The following FYB1 variants were observed in gnomAD, a reference collection of about 807,000 sequenced individuals.
The protein encoded by FYB1 is FYN-binding protein 1.
Under a neutral mutation model 94.1 loss-of-function variants are expected in FYB1, and 41 were observed. The observed-to-expected ratio is 0.44, with a 90% confidence interval of 0.34 to 0.57. The LOEUF (loss-of-function observed/expected upper bound fraction) is 0.57, where lower values mean the gene tolerates loss of function less well. FYB1 is among the 20% of genes least tolerant of loss of function. FYB1 has a pLI of 0.02. For synonymous variants in FYB1, 367 were observed against 353.2 expected (o/e 1.04, Z -0.44); for missense variants, 1,050 against 976.8 (o/e 1.07, Z -1.00).
chr5:39,218,550 AATT>A (rs1419909118), intron 1 of FYB1, among the ~76,000 whole-genome samples: 4 of 152,168 alleles, frequency 2.6e-5, no homozygotes, highest in African/African-American at 4.8e-5. Flanking sequence ...GGTGAATATT[AATT>A]ATTATTTTAC....
At chr5:39,185,517 A>G (rs1431797679) in intron 2 of FYB1, among the ~76,000 whole-genome samples, 1 of 114,694 alleles carries the variant, frequency 8.7e-6, no homozygotes, top group Admixed American at 7.9e-5. Flanking sequence ...ATAACTGACT[A>G]AAAAAAAAAT....
chr5:39,141,745 G>A (rs367869695), intron 3 of FYB1, among the ~76,000 whole-genome samples: 6 of 152,168 alleles, frequency 3.9e-5, no homozygotes, highest in Non-Finnish European at 5.9e-5. Context: ...GGTAGTGCAC[G>A]TCTGTAACCC....
rs771382298 is a variant in FYB1, at chr5:39,118,938, T to A, written c.2337A>T (p.Glu779Asp). The change falls in exon 16 of 19, where the codon GAA (glutamate) becomes GAT (aspartate). Residue 779 changes from glutamate to aspartate, a missense_variant. Coordinates refer to ENST00000512982, the MANE Select transcript of FYB1 (RefSeq NM_001465.6). ...GTRDLQVKPG[E>D]SLEVIQTTDD... is the part of the protein sequence containing the mutation. ...CTGTGGTTTGTATAACTTCTAGAGATTCACCAGGTTTTACCTGTAGATCTC... is the reference window on the plus strand; with the variant it reads ...CTGTGGTTTGTATAACTTCTAGAGAATCACCAGGTTTTACCTGTAGATCTC... 6.4e-7 allele frequency: 1 copy of A among 1,574,208 alleles called. No individual in the cohort carries two copies. The highest frequency in any genetic ancestry group is 8.6e-7 in the Non-Finnish European group (1 of 1,156,308).
intron 3 of FYB1, among the ~76,000 whole-genome samples, chr5:39,145,062 A>ACC (rs1742524288): frequency 6.6e-6 from 1 of 152,222 alleles, no homozygotes; most frequent in Non-Finnish European, 1.5e-5. Flanking sequence ...GTGAGGGTAT[A>ACC]GATAAGACAA....
chr5:39,229,800 A>G (rs1171139881), intron 1 of FYB1, among the ~76,000 whole-genome samples: 3 of 152,194 alleles, frequency 2.0e-5, no homozygotes, highest in Non-Finnish European at 4.4e-5. Flanking sequence ...CAGTCTGTAT[A>G]ATAGTCCAGA....
chr5:39,127,743 A>T lies in FYB1; in HGVS notation c.1905T>A (p.Asp635Glu). 5 of 1,601,158 alleles carry T rather than the reference A, an allele frequency of 3.1e-6. No individual in the cohort carries two copies. The highest frequency in any genetic ancestry group is 4.3e-6 in the Non-Finnish European group (5 of 1,174,084). The change falls in exon 11 of 19, where the codon GAT becomes GAA. Residue 635 changes from aspartate (D) to glutamate (E), a missense_variant and splice_region_variant. Asp to Glu is a conservative substitution (Grantham distance 45, BLOSUM62 2). Coordinates refer to ENST00000512982, the MANE Select transcript of FYB1 (RefSeq NM_001465.6). Reference protein sequence around the residue: ...YDGIEEEDADDGSTLQVQEKS... With the variant: ...YDGIEEEDADEGSTLQVQEKS... The stretch of plus-strand genomic sequence containing the variant: ...AGCAGTTCACTGATTATTCTTACCC[A>T]TCATCAGCATCTTCCTCTTCAATCC...
At chr5:39,195,025 C>T (rs528694483) in intron 2 of FYB1, among the ~76,000 whole-genome samples, 27 of 152,180 alleles carry the variant, frequency 1.8e-4, no homozygotes, top group South Asian at 4.2e-4. Context: ...GGCTGTTACC[C>T]GAAGCTGAAC....
chr5:39,176,143 T>G (rs1208373389), intron 2 of FYB1, among the ~76,000 whole-genome samples: 5 of 104,212 alleles, frequency 4.8e-5, no homozygotes, highest in African/African-American at 9.3e-5. Flanking sequence ...TTCTGTTTTT[T>G]TTTTTTTTTT....
At chr5:39,238,640 G>A (rs916739346) in intron 1 of FYB1, among the ~76,000 whole-genome samples, 15 of 151,982 alleles carry the variant, frequency 9.9e-5, no homozygotes, top group African/African-American at 3.6e-4. Context: ...AGAGCCCCAA[G>A]CCCTCAAAGT....
intron 1 of FYB1, among the ~76,000 whole-genome samples, chr5:39,235,528 C>G (rs1392305046): frequency 6.6e-6 from 1 of 150,596 alleles, no homozygotes; most frequent in Non-Finnish European, 1.5e-5. Flanking sequence ...ATGTAGACTA[C>G]TTTGTTTCCC....
chr5:39,260,039 A>G (rs571793829), intron 1 of FYB1, among the ~76,000 whole-genome samples: 1 of 152,214 alleles, frequency 6.6e-6, no homozygotes. Flanking sequence ...TGGATTTAAG[A>G]TTCATCAAAG....
At chr5:39,211,524 TG>T (rs1344571168) in intron 1 of FYB1, among the ~76,000 whole-genome samples, 2 of 152,056 alleles carry the variant, frequency 1.3e-5, no homozygotes, top group African/African-American at 4.8e-5. Flanking sequence ...GGTTTCACCG[TG>T]GTTTAGATCT....
intron 1 of FYB1, among the ~76,000 whole-genome samples, chr5:39,215,700 G>A (rs1009671096): frequency 6.6e-6 from 1 of 152,230 alleles, no homozygotes; most frequent in African/African-American, 2.4e-5. Flanking sequence ...CAGTGGCAAG[G>A]ATTGGGGCAC....
At chr5:39,123,198 C>G (rs1740288890) in intron 13 of FYB1, among the ~76,000 whole-genome samples, 2 of 152,122 alleles carry the variant, frequency 1.3e-5, no homozygotes, top group South Asian at 4.1e-4. Context: ...AGTTTAAATA[C>G]TCTCTGGTAG....
chr5:39,200,118 A>C (rs1748182401), intron 2 of FYB1, among the ~76,000 whole-genome samples: 1 of 152,200 alleles, frequency 6.6e-6, no homozygotes, highest in South Asian at 2.1e-4. Flanking sequence ...TGGGCTACTG[A>C]CAGTGAGGAA....
rs118105797 is a variant in FYB1, at chr5:39,197,184, T to C, written c.1135+4642A>G. 7.7e-4 allele frequency among the ~76,000 whole-genome samples: 118 copies of C among 152,322 alleles called. 2 individuals carry two copies. In the East Asian group the frequency reaches 0.017, roughly 22 times the overall value. ...CTTCTAACAAGAAAAAATAGTCTTT[T>C]TGGAGTCTCTGCATTCACTGAGCAA... On this transcript the variant is annotated intron_variant, in intron 2 of 18. Transcript: ENST00000512982.
chr5:39,256,647 T>C (rs932209300), intron 1 of FYB1, among the ~76,000 whole-genome samples: 1 of 152,174 alleles, frequency 6.6e-6, no homozygotes, highest in African/African-American at 2.4e-5. Context: ...TTTTGTTGGT[T>C]TGCTTGATGA....
intron 13 of FYB1, among the ~76,000 whole-genome samples, chr5:39,123,527 T>C (rs1740328595): frequency 6.6e-6 from 1 of 152,150 alleles, no homozygotes; most frequent in Admixed American, 6.6e-5. Flanking sequence ...ACAAGCTTAT[T>C]ATCAGGCACT....
chr5:39,248,640 C>A lies in FYB1; in HGVS notation c.-28+25763G>T, dbSNP rs144510590. Among the ~76,000 whole-genome samples, 1,165 of 152,228 alleles carry A rather than the reference C, an allele frequency of 7.7e-3. 11 individuals carry two copies. Among genetic ancestry groups the A allele is most frequent in the African/African-American group, 0.024 (996 of 41,536 alleles). On this transcript the variant is annotated intron_variant, in intron 1 of 1. Coordinates refer to the FYB1 transcript ENST00000510188. ...TCACTTGAGGTCAGGAGTTCGAGAC[C>A]AGCCTGGCCAACATGGCGAAACCCC...
Sources: allele counts gnomAD v4.1 joint callset (sites outside exome capture counted in the v4.1 genomes callset), GRCh38; gene constraint gnomAD v4.1.1; transcripts MANE v1.5; gene names NCBI Gene and HGNC (gene_info 2026-07-23, HGNC 2026-07-21).